CPNE4: variants seen among roughly 807,000 people sequenced by gnomAD.
CPNE4 encodes copine-4.
A neutral mutation model predicts 67.9 loss-of-function variants in CPNE4; 25 were observed. That is an observed-to-expected ratio of 0.37 (90% CI 0.27 to 0.51). The LOEUF (loss-of-function observed/expected upper bound fraction) is 0.51, where lower values mean the gene tolerates loss of function less well. CPNE4 is among the 20% of genes least tolerant of loss of function. The pLI is 0.93. For synonymous variants in CPNE4, 242 were observed against 244.9 expected (o/e 0.99, Z 0.11); for missense variants, 464 against 690.8 (o/e 0.67, Z 3.68).
intron 2 of CPNE4, among the ~76,000 whole-genome samples, chr3:131,843,473 T>G (rs2085874643): frequency 6.6e-6 from 1 of 152,200 alleles, no homozygotes; most frequent in African/African-American, 2.4e-5. Context: ...GCGTTTACAT[T>G]GAAAGTGTGA....
intron 6 of CPNE4, among the ~76,000 whole-genome samples, chr3:131,681,372 C>T (rs951324333): frequency 1.3e-5 from 2 of 152,282 alleles, no homozygotes; most frequent in Non-Finnish European, 2.9e-5. Context: ...ATTTCTCTTT[C>T]ATAATTAAGA....
chr3:131,690,040 A>G (rs2080996230), intron 5 of CPNE4, among the ~76,000 whole-genome samples: 1 of 152,226 alleles, frequency 6.6e-6, no homozygotes, highest in African/African-American at 2.4e-5. Context: ...GAAATCATAG[A>G]TGACACAAAC....
intron 2 of CPNE4, among the ~76,000 whole-genome samples, chr3:131,890,855 A>C (rs1361492888): frequency 6.6e-6 from 1 of 152,176 alleles, no homozygotes; most frequent in East Asian, 1.9e-4. Flanking sequence ...GTCACAGGAC[A>C]AACACTGCAT....
intron 1 of CPNE4, among the ~76,000 whole-genome samples, chr3:131,953,239 TAAAAAAAAAAAA>T (rs1167094357): frequency 5.1e-5 from 5 of 97,128 alleles, no homozygotes; most frequent in East Asian, 3.6e-4. Flanking sequence ...AATGATCAAT[TAAAAAAAAAAAA>T]AAAAAAAAAA....
At chr3:131,865,746 G>A (rs1015238638) in intron 2 of CPNE4, among the ~76,000 whole-genome samples, 3 of 152,192 alleles carry the variant, frequency 2.0e-5, no homozygotes, top group Admixed American at 6.5e-5. Flanking sequence ...ACGTGTACAA[G>A]TTGGGCTCTC....
intron 7 of CPNE4, among the ~76,000 whole-genome samples, chr3:131,588,999 C>T (rs1012651675): frequency 6.6e-6 from 1 of 152,178 alleles, no homozygotes; most frequent in Non-Finnish European, 1.5e-5. Context: ...CAAGGTCTTT[C>T]ATGATCTGAC....
intron 2 of CPNE4, among the ~76,000 whole-genome samples, chr3:131,753,958 C>G (rs925707528): frequency 2.0e-5 from 3 of 151,964 alleles, no homozygotes; most frequent in African/African-American, 7.2e-5. Context: ...AAACCACCAC[C>G]ATGTAAAAAA....
At chr3:131,846,701 T>C (rs983450987) in intron 2 of CPNE4, among the ~76,000 whole-genome samples, 1 of 152,166 alleles carries the variant, frequency 6.6e-6, no homozygotes, top group African/African-American at 2.4e-5. Flanking sequence ...AGTAAGGAGA[T>C]GACTGTTCAG....
intron 3 of CPNE4, among the ~76,000 whole-genome samples, chr3:131,717,055 T>C (rs766025396): frequency 6.6e-6 from 1 of 152,258 alleles, no homozygotes; most frequent in Non-Finnish European, 1.5e-5. Flanking sequence ...TTGATGTTTT[T>C]TCTTTTTGCT....
At chr3:131,653,384 G>T (rs774155433) in intron 7 of CPNE4, among the ~76,000 whole-genome samples, 2 of 151,882 alleles carry the variant, frequency 1.3e-5, no homozygotes, top group Non-Finnish European at 2.9e-5. Context: ...TGCTGACCTC[G>T]TGATCTGCCC....
At chr3:131,974,984 G>A (rs573987015) in intron 1 of CPNE4, among the ~76,000 whole-genome samples, 1 of 152,136 alleles carries the variant, frequency 6.6e-6, no homozygotes, top group Admixed American at 6.5e-5. Flanking sequence ...CTCCAGGCTG[G>A]GTGACAGAGC....
intron 6 of CPNE4, among the ~76,000 whole-genome samples, chr3:131,681,809 T>G (rs2080764816): frequency 6.6e-6 from 1 of 152,106 alleles, no homozygotes; most frequent in South Asian, 2.1e-4. Context: ...GCATGCTTCA[T>G]TTTTAAACAT....
intron 4 of CPNE4, among the ~76,000 whole-genome samples, chr3:131,696,827 T>A (rs561328054): frequency 6.6e-6 from 1 of 152,226 alleles, no homozygotes; most frequent in South Asian, 2.1e-4. Context: ...CTAGACACCA[T>A]TTATACTGAG....
intron 2 of CPNE4, among the ~76,000 whole-genome samples, chr3:131,788,768 A>T (rs1409919319): frequency 6.6e-6 from 1 of 152,138 alleles, no homozygotes; most frequent in African/African-American, 2.4e-5. Flanking sequence ...TTTTTAATGA[A>T]ATTAGAAAAT....
intron 3 of CPNE4, among the ~76,000 whole-genome samples, chr3:131,717,883 TTTC>T (rs1195214178): frequency 0.058 from 802 of 13,784 alleles, 62 homozygotes; most frequent in Admixed American, 0.081. Flanking sequence ...CTTTTCTTTC[TTTC>T]TTTCTTTCTT....
intron 14 of CPNE4, chr3:131,543,035 A>G (rs571640256): frequency 4.3e-6 from 2 of 466,062 alleles, no homozygotes; most frequent in Non-Finnish European, 7.7e-6. Context: ...AGTTACAAAG[A>G]AAGAGCAGCA....
intron 2 of CPNE4, among the ~76,000 whole-genome samples, chr3:131,870,064 G>T (rs1313613153): frequency 1.3e-5 from 2 of 152,110 alleles, no homozygotes; most frequent in Non-Finnish European, 2.9e-5. Context: ...GGTTCCTCAA[G>T]GAAATGACAG....
At chr3:131,671,968 C>CAG (rs1203374446) in intron 6 of CPNE4, among the ~76,000 whole-genome samples, 2 of 152,088 alleles carry the variant, frequency 1.3e-5, no homozygotes. Flanking sequence ...TCCTCCCCTA[C>CAG]TACCCTTCGC....
At chr3:131,953,510 T>C (rs993187540) in intron 1 of CPNE4, among the ~76,000 whole-genome samples, 2 of 152,218 alleles carry the variant, frequency 1.3e-5, no homozygotes, top group African/African-American at 4.8e-5. Flanking sequence ...GTTGATAGGA[T>C]ATATCATATA....
Sources: allele counts gnomAD v4.1 joint callset (sites outside exome capture counted in the v4.1 genomes callset), GRCh38; gene constraint gnomAD v4.1.1; transcripts MANE v1.5; gene names NCBI Gene and HGNC (gene_info 2026-07-23, HGNC 2026-07-21).